The following KLF17 variants were observed in gnomAD, a reference collection of about 807,000 sequenced individuals.
KLF17 encodes KLF transcription factor 17, also known as Krueppel-like factor 17.
Under a neutral mutation model 34.2 loss-of-function variants are expected in KLF17, and 31 were observed. That is an observed-to-expected ratio of 0.91 (90% CI 0.68 to 1.22). The LOEUF is 1.22. Among genes scored for constraint, KLF17 ranks in the 50% most tolerant of loss-of-function variants. The pLI, the probability that KLF17 is intolerant of heterozygous loss-of-function variation, is 0.00. For synonymous variants in KLF17, 179 were observed against 186.7 expected, an observed-to-expected ratio of 0.96 and a Z score of 0.34; for missense variants, 478 against 505.2, an observed-to-expected ratio of 0.95 and a Z score of 0.52.
the KLF17 span, among the ~76,000 whole-genome samples, chr1:44,100,853 A>G: frequency 6.6e-6 from 1 of 152,166 alleles, no homozygotes; most frequent in African/African-American, 2.4e-5. Context: ...GTATAATGAC[A>G]TGTATCCACC....
At chr1:44,130,458 G>A (rs2088094261) in intron 2 of KLF17, 54 bp from the exon 3 acceptor site, 1 of 1,608,884 alleles carries the variant, frequency 6.2e-7, no homozygotes, top group African/African-American at 1.3e-5. Context: ...CACAGAGTTA[G>A]ACCCCTTCCT....
chr1:44,109,897 CTTTTTTTT>C, the KLF17 span, among the ~76,000 whole-genome samples: 487 of 77,244 alleles, frequency 6.3e-3, 2 homozygotes, highest in African/African-American at 0.024. Flanking sequence ...CTTTTTTATA[CTTTTTTTT>C]TTTTTTTTTT....
the KLF17 span, among the ~76,000 whole-genome samples, chr1:44,065,272 A>G: frequency 6.6e-6 from 1 of 151,852 alleles, no homozygotes; most frequent in Non-Finnish European, 1.5e-5. Context: ...TGGGCGACAG[A>G]GCGAGACTCC....
At chr1:44,081,664 A>G in the KLF17 span, among the ~76,000 whole-genome samples, 4 of 151,758 alleles carry the variant, frequency 2.6e-5, no homozygotes, top group Admixed American at 2.6e-4. Context: ...CAAGTGATCC[A>G]CCTGCCTCAG....
chr1:44,095,210 CTTTT>C, the KLF17 span, among the ~76,000 whole-genome samples: 63 of 119,324 alleles, frequency 5.3e-4, no homozygotes, highest in South Asian at 1.9e-3. Context: ...CTATTTATAT[CTTTT>C]TTTTTTTTTT....
chr1:44,081,648 T>C, the KLF17 span, among the ~76,000 whole-genome samples: 14 of 152,082 alleles, frequency 9.2e-5, no homozygotes, highest in Non-Finnish European at 2.1e-4. Context: ...CTTGAACTCG[T>C]GACCTCAAGT....
Position 44,134,854 on chromosome 1 carries a change from G to A in KLF17, c.*1617G>A, listed in dbSNP as rs367678238. 6.6e-6 allele frequency: 1 copy of A among 152,124 alleles called. No individual in the cohort carries two copies. Among genetic ancestry groups the A allele is most frequent in the Non-Finnish European group, 1.5e-5 (1 of 68,028 alleles). 9.4% of individuals were successfully genotyped at this position (152,124 alleles called of 1,614,324 possible). On this transcript the variant is annotated 3_prime_UTR_variant, in exon 4 of 4. Transcript: ENST00000372299. ...ATAGTTAACTGGATTTGTTAGGTGAGGGTGAGGCCAAGGGTGACTTCCAGG... is the reference window on the plus strand; with the variant it reads ...ATAGTTAACTGGATTTGTTAGGTGAAGGTGAGGCCAAGGGTGACTTCCAGG...
At chr1:44,103,166 C>T in the KLF17 span, 2 of 557,562 alleles carry the variant, frequency 3.6e-6, no homozygotes, top group South Asian at 2.0e-5. Flanking sequence ...AAGCAGTAAA[C>T]TCCTCCGCAG....
the KLF17 span, among the ~76,000 whole-genome samples, chr1:44,058,667 C>CTTTTTTT: frequency 3.1e-5 from 2 of 65,204 alleles, no homozygotes; most frequent in Non-Finnish European, 5.4e-5. Context: ...ATGGGAGGCC[C>CTTTTTTT]TTTTTTTTTT....
chr1:44,111,463 GTTTTTTTTTT>G, the KLF17 span, among the ~76,000 whole-genome samples: 2 of 90,476 alleles, frequency 2.2e-5, no homozygotes, highest in South Asian at 4.0e-4. Flanking sequence ...TTTGCAACTT[GTTTTTTTTTT>G]TTTTTTTTTG....
the KLF17 span, among the ~76,000 whole-genome samples, chr1:44,055,765 T>C: frequency 6.6e-6 from 1 of 152,200 alleles, no homozygotes; most frequent in African/African-American, 2.4e-5. Flanking sequence ...CTCAGAAGAA[T>C]ATCCAGCCCC....
the KLF17 span, among the ~76,000 whole-genome samples, chr1:44,092,579 C>G: frequency 6.6e-6 from 1 of 151,742 alleles, no homozygotes; most frequent in Non-Finnish European, 1.5e-5. Context: ...ACACCAAACT[C>G]AATGAATTGT....
At chr1:44,081,098 T>C in the KLF17 span, among the ~76,000 whole-genome samples, 1 of 151,452 alleles carries the variant, frequency 6.6e-6, no homozygotes, top group Admixed American at 6.6e-5. Flanking sequence ...CATGAGGAAG[T>C]ATACCACTGT....
intron 1 of KLF17, among the ~76,000 whole-genome samples, chr1:44,125,694 C>G (rs2154311577): frequency 1.3e-5 from 2 of 152,314 alleles, no homozygotes; most frequent in Middle Eastern, 6.8e-3. Context: ...CCTTGAACTT[C>G]TGACCTCAAG....
At chr1:44,112,263 C>T in the KLF17 span, among the ~76,000 whole-genome samples, 5 of 152,286 alleles carry the variant, frequency 3.3e-5, no homozygotes, top group South Asian at 2.1e-4. Flanking sequence ...CTATAATTTA[C>T]GATGAAGTCT....
chr1:44,057,602 A>T, the KLF17 span, among the ~76,000 whole-genome samples: 69 of 152,312 alleles, frequency 4.5e-4, no homozygotes, highest in Non-Finnish European at 9.3e-4. Flanking sequence ...TCTCTGAGGA[A>T]ATTAAATGGG....
chr1:44,056,826 C>T, the KLF17 span, among the ~76,000 whole-genome samples: 3 of 152,058 alleles, frequency 2.0e-5, no homozygotes, highest in Admixed American at 6.6e-5. Flanking sequence ...GATGTCATGA[C>T]CCACCACCAA....
the KLF17 span, chr1:44,103,736 C>T: frequency 1.5e-6 from 2 of 1,356,708 alleles, no homozygotes; most frequent in Non-Finnish European, 2.1e-6. Flanking sequence ...CGTTGGCACC[C>T]TTAACTGCCA....
chr1:44,064,970 G>T, the KLF17 span, among the ~76,000 whole-genome samples: 1 of 152,166 alleles, frequency 6.6e-6, no homozygotes, highest in African/African-American at 2.4e-5. Context: ...ATCTTTAGAA[G>T]AACTTTATAT....
Sources: allele counts gnomAD v4.1 joint callset (sites outside exome capture counted in the v4.1 genomes callset), GRCh38; gene constraint gnomAD v4.1.1; transcripts MANE v1.5; gene names NCBI Gene and HGNC (gene_info 2026-07-23, HGNC 2026-07-21).